SKAP1: variants seen among roughly 807,000 people sequenced by gnomAD.
The protein encoded by SKAP1 is src kinase associated phosphoprotein 1.
SKAP1 carries 44 observed loss-of-function variants against 58.5 expected under a neutral mutation model. The ratio of observed to expected loss-of-function variants is 0.75; its 90% CI spans 0.59 to 0.97. The LOEUF is 0.97. Among genes scored for constraint, SKAP1 ranks in the 50% least tolerant of loss-of-function variants. The pLI is 0.00. For missense variants in SKAP1, 390 were observed against 435.2 expected (o/e 0.90, Z 0.92); for synonymous variants, 127 against 149.7 (o/e 0.85, Z 1.11).
chr17:48,187,630 C>T (rs907355867), intron 6 of SKAP1, among the ~76,000 whole-genome samples: 1 of 152,112 alleles, frequency 6.6e-6, no homozygotes, highest in Non-Finnish European at 1.5e-5. Flanking sequence ...GCTGACCACA[C>T]TCTTAGTGTT....
chr17:48,224,010 C>CAG (rs10633331), intron 4 of SKAP1, among the ~76,000 whole-genome samples: 27,949 of 91,986 alleles, frequency 0.3, 5,471 homozygotes, highest in East Asian at 0.64. Context: ...AGATGGGAGA[C>CAG]AGAGAGAGAG....
At position 48,421,296 on chromosome 17, in the gene SKAP1, CTTTTTTT is replaced by C. The variant is rs35201215; in HGVS notation, c.46+8772_46+8778del. Among the ~76,000 whole-genome samples the C allele has an allele frequency of 4.1e-3, 494 of 119,220 alleles. 2 individuals are homozygous for C. Among genetic ancestry groups the C allele is most frequent in the African/African-American group, 0.015 (466 of 32,124 alleles). 78.2% of individuals were successfully genotyped at this position (119,220 alleles called of 152,430 possible). ...TTTTACACACACAAAATAGAGTGTT[CTTTTTTT>C]TTTTTTTTTTTTTTTAAAGACGAAT... On this transcript the variant is annotated intron_variant, in intron 1 of 12. Transcript: ENST00000336915.
chr17:48,302,808 T>C (rs190567519), intron 4 of SKAP1, among the ~76,000 whole-genome samples: 6 of 152,312 alleles, frequency 3.9e-5, no homozygotes, highest in Admixed American at 1.3e-4. Flanking sequence ...GAGCACTTAC[T>C]TGGGGACAGG....
chr17:48,213,942 A>G (rs7225140), intron 4 of SKAP1, among the ~76,000 whole-genome samples: 126,460 of 152,138 alleles, frequency 0.83, 52,624 homozygotes, highest in East Asian at 0.95. Context: ...ACTCTGAGCC[A>G]ACTGCTGCTC....
At chr17:48,158,609 C>T (rs1267579589) in intron 11 of SKAP1, among the ~76,000 whole-genome samples, 2 of 145,344 alleles carry the variant, frequency 1.4e-5, no homozygotes, top group Non-Finnish European at 3.0e-5. Context: ...AAAGATTCTC[C>T]TGAGTTTGGT....
intron 4 of SKAP1, among the ~76,000 whole-genome samples, chr17:48,311,327 G>C (rs2066221857): frequency 6.6e-6 from 1 of 152,148 alleles, no homozygotes; most frequent in Non-Finnish European, 1.5e-5. Context: ...ACTTTGAACT[G>C]CTCAGGAGAT....
the SKAP1 span, among the ~76,000 whole-genome samples, chr17:48,443,880 A>G: frequency 6.6e-6 from 1 of 152,164 alleles, no homozygotes; most frequent in Non-Finnish European, 1.5e-5. Context: ...GGAATCATCA[A>G]TTATTAACTT....
chr17:48,138,454 C>T (rs1050011438), intron 11 of SKAP1, among the ~76,000 whole-genome samples: 1 of 151,814 alleles, frequency 6.6e-6, no homozygotes, highest in African/African-American at 2.4e-5. Context: ...ACTGCAACCT[C>T]CACCTCCCAG....
At chr17:48,220,246 T>C (rs1204493106) in intron 4 of SKAP1, among the ~76,000 whole-genome samples, 2 of 152,254 alleles carry the variant, frequency 1.3e-5, no homozygotes, top group South Asian at 2.1e-4. Flanking sequence ...AAGTCTGATA[T>C]AAGATTGTTC....
intron 4 of SKAP1, among the ~76,000 whole-genome samples, chr17:48,259,568 C>A (rs2065464098): frequency 6.6e-6 from 1 of 152,066 alleles, no homozygotes; most frequent in Admixed American, 6.6e-5. Flanking sequence ...ATGACTATAG[C>A]AATGTAATTC....
intron 1 of SKAP1, among the ~76,000 whole-genome samples, chr17:48,399,134 C>T (rs2067461318): frequency 1.3e-5 from 2 of 152,078 alleles, no homozygotes; most frequent in South Asian, 4.1e-4. Flanking sequence ...TCACAAAGGA[C>T]CACCATCAAC....
chr17:48,277,847 G>A (rs1003596763), intron 4 of SKAP1, among the ~76,000 whole-genome samples: 1 of 151,812 alleles, frequency 6.6e-6, no homozygotes, highest in Non-Finnish European at 1.5e-5. Flanking sequence ...CCCTCACCTC[G>A]GCTCCCAACA....
rs2067420061 is a variant in SKAP1, at chr17:48,396,563, G to C, written c.152+117C>G. On this transcript the variant is annotated intron_variant, in intron 2 of 12. Coordinates refer to ENST00000336915, the MANE Select transcript of SKAP1 (RefSeq NM_003726.4). ...GTTCAATTCAGTAAATATTTATTAA[G>C]TTTCTGCCAAGTATAAAGAACTATG... is the stretch of plus-strand genomic sequence containing the variant. 1.2e-5 allele frequency: 7 copies of C among 585,956 alleles called. No homozygotes were observed. In the South Asian group the frequency reaches 1.8e-4, roughly 15 times the overall value. The allele number at this position is 585,956 out of a possible 1,614,324, so 36.3% of individuals were successfully genotyped here.
At chr17:48,189,971 C>A (rs2064517048) in intron 4 of SKAP1, among the ~76,000 whole-genome samples, 1 of 152,054 alleles carries the variant, frequency 6.6e-6, no homozygotes, top group African/African-American at 2.4e-5. Flanking sequence ...AGCCACCACA[C>A]CCAGCCAATT....
intron 4 of SKAP1, among the ~76,000 whole-genome samples, chr17:48,205,103 T>C (rs1157876937): frequency 2.0e-5 from 3 of 150,650 alleles, no homozygotes; most frequent in African/African-American, 4.9e-5. Flanking sequence ...TCTCTCTCTC[T>C]CTCTCTCTGT....
At chr17:48,373,797 G>T (rs763762302) in intron 2 of SKAP1, among the ~76,000 whole-genome samples, 5 of 152,240 alleles carry the variant, frequency 3.3e-5, no homozygotes, top group Non-Finnish European at 7.4e-5. Flanking sequence ...CACTGAATTA[G>T]GTGAATAGAG....
intron 4 of SKAP1, among the ~76,000 whole-genome samples, chr17:48,281,469 C>T (rs955315231): frequency 1.1e-4 from 17 of 152,208 alleles, no homozygotes; most frequent in African/African-American, 4.1e-4. Context: ...ACTGCCTGAT[C>T]GCACATCAAA....
At chr17:48,362,561 T>C (rs2066950117) in intron 3 of SKAP1, among the ~76,000 whole-genome samples, 1 of 152,260 alleles carries the variant, frequency 6.6e-6, no homozygotes, top group Non-Finnish European at 1.5e-5. Flanking sequence ...CTGCTCAATC[T>C]ATGTTTTCAG....
intron 4 of SKAP1, among the ~76,000 whole-genome samples, chr17:48,343,904 C>T (rs1044582945): frequency 4.6e-5 from 7 of 152,098 alleles, no homozygotes; most frequent in African/African-American, 1.7e-4. Flanking sequence ...GGCACTACTA[C>T]GTACCAGCTG....
Sources: gnomAD v4.1 joint callset for allele counts (sites outside exome capture counted in the v4.1 genomes callset) on GRCh38, gnomAD v4.1.1 for gene constraint, MANE v1.5 for transcripts, NCBI Gene and HGNC (gene_info 2026-07-23, HGNC 2026-07-21) for gene names.